The following MBNL1 variants were observed in gnomAD, a reference collection of about 807,000 sequenced individuals.
MBNL1 encodes muscleblind-like protein 1.
Under a neutral mutation model 42.2 loss-of-function variants are expected in MBNL1, and 8 were observed. The observed-to-expected ratio is 0.19, with a 90% confidence interval of 0.11 to 0.34. The LOEUF is 0.34. MBNL1 is among the 10% of genes least tolerant of loss of function. The pLI is 1.00. For synonymous variants in MBNL1, 169 were observed against 173.9 expected (o/e 0.97, Z 0.22); for missense variants, 309 against 495.3 (o/e 0.62, Z 3.57).
intron 2 of MBNL1, among the ~76,000 whole-genome samples, chr3:152,407,717 A>G (rs1302182726): frequency 1.3e-5 from 2 of 152,292 alleles, no homozygotes; most frequent in East Asian, 3.9e-4. Context: ...TAGCAAAGAC[A>G]TGGAATTAAC....
At chr3:152,411,789 A>G (rs1449380059) in intron 2 of MBNL1, among the ~76,000 whole-genome samples, 1 of 152,124 alleles carries the variant, frequency 6.6e-6, no homozygotes, top group Admixed American at 6.5e-5. Context: ...AAACTTACAA[A>G]CCTGCTTCTG....
chr3:152,429,604 T>C (rs2098979485), intron 3 of MBNL1, among the ~76,000 whole-genome samples: 1 of 152,196 alleles, frequency 6.6e-6, no homozygotes, highest in African/African-American at 2.4e-5. Context: ...GCAGGTTAGC[T>C]TTTGGAATAG....
chr3:152,302,683 T>C (rs1046461786), intron 2 of MBNL1, among the ~76,000 whole-genome samples: 7 of 152,142 alleles, frequency 4.6e-5, no homozygotes, highest in African/African-American at 1.4e-4. Flanking sequence ...CGTTATGAGG[T>C]TTCCATGCCA....
intron 2 of MBNL1, among the ~76,000 whole-genome samples, chr3:152,320,446 A>G (rs2075759596): frequency 6.6e-6 from 1 of 152,080 alleles, no homozygotes; most frequent in Non-Finnish European, 1.5e-5. Context: ...GCACATGGGG[A>G]CCTAGTCAGG....
Position 152,465,442 on chromosome 3 carries a change from T to C in MBNL1, c.*3076T>C, listed in dbSNP as rs138704482. 1.3e-5 allele frequency: 2 copies of C among 152,744 alleles called. No individual in the cohort carries two copies. Among genetic ancestry groups the C allele is most frequent in the African/African-American group, 4.8e-5 (2 of 41,570 alleles). 9.5% of individuals were successfully genotyped at this position (152,744 alleles called of 1,614,324 possible). On this transcript the variant is annotated 3_prime_UTR_variant, in exon 10 of 10. Transcript: ENST00000324210. ...TGAAAAATAAAACGCAGTTCAAATT[T>C]CATGGTTTTAATTTTCAACTCAGAA...
At chr3:152,444,238 A>G (rs2099187610) in intron 4 of MBNL1, among the ~76,000 whole-genome samples, 1 of 152,190 alleles carries the variant, frequency 6.6e-6, no homozygotes, top group African/African-American at 2.4e-5. Context: ...CTTGTGGTAA[A>G]AGGGTCAAAG....
chr3:152,316,730 A>G (rs1004035838), intron 2 of MBNL1, among the ~76,000 whole-genome samples: 149 of 152,288 alleles, frequency 9.8e-4, no homozygotes, highest in African/African-American at 3.4e-3. Flanking sequence ...TATTTTTGCC[A>G]TGACTTCTCA....
intron 2 of MBNL1, among the ~76,000 whole-genome samples, chr3:152,346,958 C>T (rs570006758): frequency 1.1e-4 from 16 of 151,086 alleles, no homozygotes; most frequent in South Asian, 1.0e-3. Flanking sequence ...GTGGGAGGAT[C>T]GCTTGAGTCC....
intron 3 of MBNL1, among the ~76,000 whole-genome samples, chr3:152,427,116 G>A (rs535591327): frequency 1.3e-5 from 2 of 152,272 alleles, no homozygotes; most frequent in East Asian, 1.9e-4. Context: ...CATCCATCCT[G>A]CTGTTGTTAC....
At chr3:152,314,479 G>A (rs1293765682) in intron 2 of MBNL1, among the ~76,000 whole-genome samples, 1 of 151,856 alleles carries the variant, frequency 6.6e-6, no homozygotes, top group African/African-American at 2.4e-5. Context: ...GGGTTGAAGC[G>A]ATTCTCCTGC....
intron 2 of MBNL1, among the ~76,000 whole-genome samples, chr3:152,254,502 C>T (rs1486767088): frequency 6.6e-6 from 1 of 152,072 alleles, no homozygotes; most frequent in East Asian, 1.9e-4. Context: ...AGAATCCTTT[C>T]CTGATTAGCC....
intron 1 of MBNL1, among the ~76,000 whole-genome samples, chr3:152,290,769 A>G (rs1225684892): frequency 6.6e-6 from 1 of 152,166 alleles, no homozygotes; most frequent in Admixed American, 6.5e-5. Context: ...TACTCATTTA[A>G]GTAAGCTTTA....
intron 2 of MBNL1, among the ~76,000 whole-genome samples, chr3:152,389,212 C>T: frequency 6.6e-6 from 1 of 152,158 alleles, no homozygotes; most frequent in Non-Finnish European, 1.5e-5. Flanking sequence ...CCTCAGCCTC[C>T]AGAGTAGCTG....
chr3:152,423,854 C>G (rs2098846087), intron 3 of MBNL1, among the ~76,000 whole-genome samples: 1 of 152,120 alleles, frequency 6.6e-6, no homozygotes, highest in Non-Finnish European at 1.5e-5. Context: ...TCAATAGATG[C>G]AGAAAAGGCT....
rs79688226 is a variant in MBNL1, at chr3:152,272,467, A to G, written c.-790+3375A>G. Among the ~76,000 whole-genome samples the G allele has an allele frequency of 6.7e-3, 1,017 of 152,272 alleles. 14 individuals are homozygous for G. Among genetic ancestry groups the G allele is most frequent in the African/African-American group, 0.023 (959 of 41,572 alleles). On this transcript the variant is annotated intron_variant, in intron 1 of 9. Coordinates refer to ENST00000324210, the MANE Select transcript of MBNL1 (RefSeq NM_021038.5). ...AGTTATCATTGTCCTGAAGTTACCA[A>G]ACATAAACGAGTCACTAAAATTATT...
At chr3:152,377,752 A>G (rs1310922643) in intron 2 of MBNL1, among the ~76,000 whole-genome samples, 1 of 152,218 alleles carries the variant, frequency 6.6e-6, no homozygotes, top group African/African-American at 2.4e-5. Context: ...AATTTGATCT[A>G]TGATCAGATC....
At chr3:152,327,588 A>G (rs986516957) in intron 2 of MBNL1, among the ~76,000 whole-genome samples, 3 of 152,198 alleles carry the variant, frequency 2.0e-5, no homozygotes, top group Non-Finnish European at 2.9e-5. Flanking sequence ...GCCTCAAGTG[A>G]TCTGTCTGCC....
At chr3:152,387,241 ATT>A (rs35150728) in intron 2 of MBNL1, among the ~76,000 whole-genome samples, 2,841 of 136,214 alleles carry the variant, frequency 0.021, 81 homozygotes, top group African/African-American at 0.066. Context: ...CAGTCTGTGT[ATT>A]TTTTTTTTTT....
intron 2 of MBNL1, among the ~76,000 whole-genome samples, chr3:152,370,096 A>G (rs1355531800): frequency 1.3e-5 from 2 of 151,458 alleles, no homozygotes; most frequent in Non-Finnish European, 2.9e-5. Context: ...TTTCATTGTG[A>G]TGGGGTATTG....
Sources: gnomAD v4.1 joint callset for allele counts (sites outside exome capture counted in the v4.1 genomes callset) on GRCh38, gnomAD v4.1.1 for gene constraint, MANE v1.5 for transcripts, NCBI Gene and HGNC (gene_info 2026-07-23, HGNC 2026-07-21) for gene names.